GPR107: variants seen among roughly 807,000 people sequenced by gnomAD.
GPR107 encodes the protein G protein-coupled receptor 107.
GPR107 carries 31 observed loss-of-function variants against 75.5 expected under a neutral mutation model. The ratio of observed to expected loss-of-function variants is 0.41; its 90% CI spans 0.31 to 0.55. GPR107 has a LOEUF of 0.55. Ranked by LOEUF, GPR107 falls within the 20% of genes least tolerant of loss-of-function variation. The pLI is 0.26. For missense variants in GPR107, 572 were observed against 665.7 expected, an observed-to-expected ratio of 0.86 and a Z score of 1.55; for synonymous variants, 267 against 251.3, an observed-to-expected ratio of 1.06 and a Z score of -0.59.
intron 14 of GPR107, among the ~76,000 whole-genome samples, chr9:130,116,148 T>G (rs1831424195): frequency 6.6e-6 from 1 of 152,212 alleles, no homozygotes; most frequent in Non-Finnish European, 1.5e-5. Flanking sequence ...CAGTCTTGTC[T>G]TGGACACATT....
At chr9:130,090,700 T>C (rs1404890395) in intron 7 of GPR107, among the ~76,000 whole-genome samples, 176 bp from the exon 8 acceptor site, 1 of 152,234 alleles carries the variant, frequency 6.6e-6, no homozygotes, top group East Asian at 1.9e-4. Context: ...ATTTAAGCAG[T>C]CTGTCTTTAT....
At chr9:130,093,195 G>A (rs1830782346) in intron 9 of GPR107, among the ~76,000 whole-genome samples, 2 of 132,294 alleles carry the variant, frequency 1.5e-5, no homozygotes, top group Non-Finnish European at 3.2e-5. Context: ...AAGCCCATCT[G>A]CCTGGCTTTT....
At chr9:130,133,554 G>T (rs189179796) in intron 17 of GPR107, among the ~76,000 whole-genome samples, 1 of 152,150 alleles carries the variant, frequency 6.6e-6, no homozygotes, top group Admixed American at 6.5e-5. Flanking sequence ...CTGCATCCCC[G>T]TCTAGAGAAG....
At chr9:130,088,308 G>A (rs1349908397) in intron 7 of GPR107, among the ~76,000 whole-genome samples, 1 of 152,196 alleles carries the variant, frequency 6.6e-6, no homozygotes, top group Non-Finnish European at 1.5e-5. Context: ...CCCACAGGCA[G>A]GAATGCTGTC....
intron 1 of GPR107, among the ~76,000 whole-genome samples, chr9:130,056,711 G>T (rs1482342643): frequency 6.6e-6 from 1 of 151,906 alleles, no homozygotes; most frequent in East Asian, 1.9e-4. Flanking sequence ...GGATCACAGG[G>T]TCAGGAGATT....
At position 130,054,118 on chromosome 9, in the gene GPR107, C is replaced by CT. The variant is rs762166911; in HGVS notation, c.141+46dup. 670 of 1,311,518 alleles carry CT rather than the reference C, an allele frequency of 5.1e-4. 1 individual carries two copies. Among genetic ancestry groups the CT allele is most frequent in the Non-Finnish European group, 6.3e-4 (646 of 1,018,814 alleles). 81.2% of individuals were successfully genotyped at this position (1,311,518 alleles called of 1,614,324 possible). On this transcript the variant is annotated intron_variant, in intron 1 of 17. Transcript: ENST00000347136. ...GGCCGGGGGGCGGAGGCCGAGGCCA[C>CT]TCCCCGGGTTTTAGGGCAACTTTGG...
At chr9:130,097,155 C>CTTTTTTTTTTTTTTTTTTTT (rs71387312) in intron 9 of GPR107, among the ~76,000 whole-genome samples, 4 of 130,172 alleles carry the variant, frequency 3.1e-5, no homozygotes, top group African/African-American at 5.8e-5. Flanking sequence ...TCTTTTTTTT[C>CTTTTTTTTTTTTTTTTTTTT]TTTTTTTTTT....
At chr9:130,084,226 T>G (rs1830561203) in intron 6 of GPR107, among the ~76,000 whole-genome samples, 1 of 147,936 alleles carries the variant, frequency 6.8e-6, no homozygotes, top group Admixed American at 6.7e-5. Context: ...AGTGAAACTC[T>G]GTCTCTACTA....
intron 6 of GPR107, among the ~76,000 whole-genome samples, chr9:130,083,957 A>G (rs1427683512): frequency 6.6e-6 from 1 of 150,708 alleles, no homozygotes; most frequent in Non-Finnish European, 1.5e-5. Flanking sequence ...GTTATTTATT[A>G]CTATTACTTT....
chr9:130,067,652 G>T (rs532756371), intron 1 of GPR107, among the ~76,000 whole-genome samples: 2 of 152,046 alleles, frequency 1.3e-5, no homozygotes, highest in South Asian at 4.1e-4. Flanking sequence ...TGCTATGTAT[G>T]TGCAATGAGC....
At position 130,116,423 on chromosome 9, in the gene GPR107, C is replaced by T. The variant is rs117490074; in HGVS notation, c.1307-8492C>T. ...TGAGAAGGTTTTGCCTGCTATTAAC[C>T]AGCCTTTGTCATCAAGCATTGGGAA... On this transcript the variant is annotated intron_variant, in intron 14 of 17. Transcript: ENST00000347136. Among the ~76,000 whole-genome samples, 824 of 152,320 alleles carry T rather than the reference C, an allele frequency of 5.4e-3. 3 individuals are homozygous for T. Among genetic ancestry groups the T allele is most frequent in the Middle Eastern group, 0.01 (3 of 294 alleles).
chr9:130,094,048 C>T (rs1395535745), intron 9 of GPR107, among the ~76,000 whole-genome samples: 1 of 151,754 alleles, frequency 6.6e-6, no homozygotes, highest in African/African-American at 2.4e-5. Flanking sequence ...CTGCTGACCT[C>T]GGGTAATTTA....
intron 6 of GPR107, among the ~76,000 whole-genome samples, chr9:130,085,754 A>ATGTTTTTTTTTTTTTTTT: frequency 1.3e-5 from 1 of 78,674 alleles, no homozygotes. Flanking sequence ...CAATATTTTG[A>ATGTTTTTTTTTTTTTTTT]TTTTTTTTTT....
intron 1 of GPR107, among the ~76,000 whole-genome samples, chr9:130,069,741 A>G (rs1229255528): frequency 6.6e-6 from 1 of 152,156 alleles, no homozygotes; most frequent in Non-Finnish European, 1.5e-5. Context: ...GCTGGAGTGC[A>G]GTGGCACGAT....
chr9:130,055,323 G>T lies in GPR107; in HGVS notation c.141+1250G>T, dbSNP rs900094720. Among the ~76,000 whole-genome samples, 3 of 150,424 alleles carry T rather than the reference G, an allele frequency of 2.0e-5. No homozygotes were observed. The Admixed American group carries it at 2.0e-4, about 10-fold the overall frequency. Reference sequence around the variant, plus strand: ...TCTACTAAAAATAAAAAAAAAATTAGCCAGGCGTGGTGGCAGGCGCCTGCA... The same window carrying T: ...TCTACTAAAAATAAAAAAAAAATTATCCAGGCGTGGTGGCAGGCGCCTGCA... On this transcript the variant is annotated intron_variant, in intron 1 of 17. Transcript: ENST00000347136.
At chr9:130,096,293 A>G (rs1366135286) in intron 9 of GPR107, among the ~76,000 whole-genome samples, 1 of 151,946 alleles carries the variant, frequency 6.6e-6, no homozygotes, top group African/African-American at 2.4e-5. Context: ...TGGAACAGGA[A>G]AGTACCAGGG....
chr9:130,088,660 G>A (rs188978769), intron 7 of GPR107, among the ~76,000 whole-genome samples: 5 of 152,146 alleles, frequency 3.3e-5, no homozygotes, highest in Admixed American at 2.0e-4. Flanking sequence ...CTGTGAAGTC[G>A]GTATTGTTAT....
At chr9:130,114,195 C>A (rs1831370753) in intron 14 of GPR107, among the ~76,000 whole-genome samples, 1 of 151,364 alleles carries the variant, frequency 6.6e-6, no homozygotes, top group South Asian at 2.1e-4. Context: ...ATGGTAAAAC[C>A]CTGTCTCTAC....
rs1217175433 is a variant in GPR107, at chr9:130,139,400, G to A, written c.*4279G>A. ...CTGGAACGTAGTTATCGGTCGGCAG[G>A]CTGAACATACTCCAGATTCCCCAGA... On this transcript the variant is annotated 3_prime_UTR_variant, in exon 18 of 18. Transcript: ENST00000347136. The A allele has an allele frequency of 1.3e-5, 2 of 152,158 alleles. No individual in the cohort carries two copies. Among genetic ancestry groups the A allele is most frequent in the African/African-American group, 4.8e-5 (2 of 41,432 alleles). The allele number at this position is 152,158 out of a possible 1,614,324, so 9.4% of individuals were successfully genotyped here. A position where few individuals can be genotyped will look rare whatever the true frequency, so the allele number is the denominator to read the frequency against.
Sources: allele counts gnomAD v4.1 joint callset (sites outside exome capture counted in the v4.1 genomes callset), GRCh38; gene constraint gnomAD v4.1.1; transcripts MANE v1.5; gene names NCBI Gene and HGNC (gene_info 2026-07-23, HGNC 2026-07-21).